The following STPG2 variants were observed in gnomAD, a reference collection of about 807,000 sequenced individuals.
STPG2 encodes the protein sperm tail PG-rich repeat containing 2.
A neutral mutation model predicts 54.2 loss-of-function variants in STPG2; 56 were observed. The ratio of observed to expected loss-of-function variants is 1.03; its 90% CI spans 0.83 to 1.29. The LOEUF is 1.29. Ranked by LOEUF, STPG2 falls within the 50% of genes most tolerant of loss-of-function variation. The pLI is 0.00. For synonymous variants in STPG2, 200 were observed against 181.8 expected (o/e 1.10, Z -0.81); for missense variants, 596 against 544.9 (o/e 1.09, Z -0.93).
At chr4:97,548,465 T>C (rs1731894040) in intron 4 of STPG2, among the ~76,000 whole-genome samples, 1 of 152,186 alleles carries the variant, frequency 6.6e-6, no homozygotes, top group South Asian at 2.1e-4. Flanking sequence ...CAGTCAGTTA[T>C]TTAGTCTGCC....
intron 4 of STPG2, among the ~76,000 whole-genome samples, chr4:97,451,401 AGAGAG>A (rs951354911): frequency 4.6e-5 from 7 of 151,962 alleles, no homozygotes; most frequent in Non-Finnish European, 5.9e-5. Context: ...GGAGGGGAGA[AGAGAG>A]GAGAGGAGAG....
chr4:97,458,136 TG>T (rs1729573794), intron 4 of STPG2, among the ~76,000 whole-genome samples: 1 of 152,218 alleles, frequency 6.6e-6, no homozygotes, highest in South Asian at 2.1e-4. Flanking sequence ...AAAATAGGAA[TG>T]AATACGAGAT....
At chr4:98,115,451 T>C (rs933614907) in intron 3 of STPG2, among the ~76,000 whole-genome samples, 1 of 151,964 alleles carries the variant, frequency 6.6e-6, no homozygotes, top group Non-Finnish European at 1.5e-5. Context: ...AAAATAACTT[T>C]TTTGTAGAAT....
chr4:97,827,270 C>G (rs910250487), intron 9 of STPG2, among the ~76,000 whole-genome samples: 6 of 136,120 alleles, frequency 4.4e-5, no homozygotes, highest in African/African-American at 1.7e-4. Context: ...GAGTCTTGCT[C>G]TGTCACCCAG....
chr4:97,734,626 T>C (rs1724913464), intron 9 of STPG2, among the ~76,000 whole-genome samples: 1 of 152,130 alleles, frequency 6.6e-6, no homozygotes, highest in African/African-American at 2.4e-5. Context: ...TATTGAACCA[T>C]CCATGCCTCC....
At chr4:97,855,110 C>A (rs1048016651) in intron 8 of STPG2, among the ~76,000 whole-genome samples, 2 of 152,072 alleles carry the variant, frequency 1.3e-5, no homozygotes, top group African/African-American at 4.8e-5. Flanking sequence ...GCATTGTACT[C>A]CATGGTGTAT....
At chr4:97,855,766 C>T (rs1485332693) in intron 8 of STPG2, among the ~76,000 whole-genome samples, 2 of 152,008 alleles carry the variant, frequency 1.3e-5, no homozygotes, top group Non-Finnish European at 2.9e-5. Context: ...ATGGTATTGC[C>T]TAAATTTTCT....
At chr4:97,869,674 C>A (rs945300621) in intron 8 of STPG2, among the ~76,000 whole-genome samples, 6 of 151,568 alleles carry the variant, frequency 4.0e-5, no homozygotes, top group African/African-American at 1.5e-4. Context: ...CAGACCCTGC[C>A]ACTTTAGAAA....
intron 10 of STPG2, among the ~76,000 whole-genome samples, chr4:97,593,133 A>T (rs1253264103): frequency 6.6e-6 from 1 of 152,108 alleles, no homozygotes; most frequent in Non-Finnish European, 1.5e-5. Context: ...CAGATGCCCA[A>T]CTAGGGTGCT....
chr4:97,728,673 G>C (rs1159670797), intron 9 of STPG2, among the ~76,000 whole-genome samples: 1 of 151,432 alleles, frequency 6.6e-6, no homozygotes, highest in Non-Finnish European at 1.5e-5. Context: ...GTCTGACCCA[G>C]AGCTGAGGAA....
chr4:97,908,626 CAAT>C (rs1411452294), intron 8 of STPG2, among the ~76,000 whole-genome samples: 2 of 151,720 alleles, frequency 1.3e-5, no homozygotes, highest in Non-Finnish European at 2.9e-5. Context: ...AAATGTCCAA[CAAT>C]GATAGACTGG....
At chr4:97,948,998 G>A (rs112375058) in intron 7 of STPG2, among the ~76,000 whole-genome samples, 3 of 152,168 alleles carry the variant, frequency 2.0e-5, no homozygotes, top group African/African-American at 7.2e-5. Context: ...GTATACTGCT[G>A]TCAATGGGGT....
intron 9 of STPG2, among the ~76,000 whole-genome samples, chr4:97,752,278 G>T (rs1041765594): frequency 9.2e-5 from 14 of 151,476 alleles, no homozygotes; most frequent in Admixed American, 4.6e-4. Context: ...ATGCTTTAAA[G>T]GTATAACCTT....
intron 10 of STPG2, among the ~76,000 whole-genome samples, chr4:97,570,928 C>T (rs1024233363): frequency 3.3e-5 from 5 of 151,990 alleles, no homozygotes; most frequent in African/African-American, 1.2e-4. Context: ...ATCAGTCTTT[C>T]GTTACAGGGG....
At chr4:97,813,677 T>TAAA (rs869298230) in intron 9 of STPG2, among the ~76,000 whole-genome samples, 554 of 45,840 alleles carry the variant, frequency 0.012, 48 homozygotes, top group Non-Finnish European at 0.016. Context: ...CCCTGTCTCT[T>TAAA]AAAAAAAAAA....
intron 5 of STPG2, among the ~76,000 whole-genome samples, chr4:98,032,755 G>A (rs1341778517): frequency 6.6e-5 from 10 of 152,144 alleles, no homozygotes; most frequent in East Asian, 1.9e-4. Context: ...CTCAGACCAC[G>A]GTGCAATCAA....
intron 8 of STPG2, among the ~76,000 whole-genome samples, chr4:97,859,466 C>CTT (rs70953089): frequency 3.9e-5 from 5 of 129,112 alleles, no homozygotes; most frequent in South Asian, 2.4e-4. Flanking sequence ...CTTTTCTTTT[C>CTT]TTTTTTTTTT....
intron 5 of STPG2, among the ~76,000 whole-genome samples, chr4:98,105,215 G>C (rs1049903349): frequency 1.3e-5 from 2 of 152,092 alleles, no homozygotes; most frequent in African/African-American, 4.8e-5. Flanking sequence ...TGTGATTCTG[G>C]GGGCTGCCCA....
At chr4:97,827,602 T>A (rs1728303311) in intron 9 of STPG2, among the ~76,000 whole-genome samples, 1 of 152,214 alleles carries the variant, frequency 6.6e-6, no homozygotes, top group African/African-American at 2.4e-5. Flanking sequence ...TTTGTTTCTC[T>A]CCACCTGATT....
Sources: allele counts gnomAD v4.1 joint callset (sites outside exome capture counted in the v4.1 genomes callset), GRCh38; gene constraint gnomAD v4.1.1; transcripts MANE v1.5; gene names NCBI Gene and HGNC (gene_info 2026-07-23, HGNC 2026-07-21).